The following MS4A4A variants were observed in gnomAD, a reference collection of about 807,000 sequenced individuals.
The protein encoded by MS4A4A is membrane spanning 4-domains A4A.
MS4A4A carries 26 observed loss-of-function variants against 28.0 expected under a neutral mutation model. The ratio of observed to expected loss-of-function variants is 0.93; its 90% CI spans 0.68 to 1.29. The LOEUF (loss-of-function observed/expected upper bound fraction) is 1.29. MS4A4A is among the 50% of genes most tolerant of loss of function. MS4A4A has a pLI of 0.00. For missense variants in MS4A4A, 290 were observed against 293.1 expected, an observed-to-expected ratio of 0.99 and a Z score of 0.08; for synonymous variants, 86 against 100.8, an observed-to-expected ratio of 0.85 and a Z score of 0.88.
chr11:60,282,757 T>G (rs1217538424), intron 1 of MS4A4A: 1 of 1,247,512 alleles, frequency 8.0e-7, no homozygotes, highest in Non-Finnish European at 1.0e-6. Flanking sequence ...TACAATAGAT[T>G]TGTGCTGAAG....
chr11:60,299,585 G>C (rs1295058656), intron 3 of MS4A4A, among the ~76,000 whole-genome samples: 2 of 150,502 alleles, frequency 1.3e-5, no homozygotes, highest in Non-Finnish European at 1.5e-5. Flanking sequence ...CCATTCTCCT[G>C]CCTCAGCCTC....
chr11:60,282,776 C>G (rs539342132), intron 1 of MS4A4A: 1 of 1,210,156 alleles, frequency 8.3e-7, no homozygotes, highest in South Asian at 1.5e-5. Flanking sequence ...AGTAGCCGAG[C>G]TTTTGTTATC....
chr11:60,286,054 C>G (rs951722404), intron 1 of MS4A4A, among the ~76,000 whole-genome samples: 1 of 152,158 alleles, frequency 6.6e-6, no homozygotes, highest in African/African-American at 2.4e-5. Context: ...AATGCATTCT[C>G]TTCCCAGGGT....
At chr11:60,303,714 A>G (rs1419541054) in intron 5 of MS4A4A, among the ~76,000 whole-genome samples, 1 of 152,078 alleles carries the variant, frequency 6.6e-6, no homozygotes, top group South Asian at 2.1e-4. Context: ...TCTCAAAAAA[A>G]AGAGAAAGCC....
intron 2 of MS4A4A, among the ~76,000 whole-genome samples, chr11:60,294,892 A>ACCTCTTCTTCTTCTTCTTCTT (rs1554993366): frequency 7.6e-6 from 1 of 130,846 alleles, no homozygotes; most frequent in East Asian, 2.3e-4. Flanking sequence ...TACAACTACT[A>ACCTCTTCTTCTTCTTCTTCTT]CTTCTTCTTC....
intron 3 of MS4A4A, 45 bp from the exon 4 acceptor site, chr11:60,300,956 T>C (rs2135029060): frequency 7.0e-7 from 1 of 1,431,188 alleles, no homozygotes; most frequent in Non-Finnish European, 9.7e-7. Context: ...TGACTCCCAA[T>C]ACTGGCTTAA....
Position 60,308,784 on chromosome 11 carries a change from T to C in MS4A4A, c.*606T>C, listed in dbSNP as rs925477410. ...GCTATCATTTGAGTAAAAGTATACA[T>C]GGAGTAAAAATCATATTAAGCATCA... On this transcript the variant is annotated 3_prime_UTR_variant, in exon 7 of 7. Transcript: ENST00000337908. 6.6e-6 allele frequency: 1 copy of C among 152,208 alleles called. No individual in the cohort carries two copies. Among genetic ancestry groups the C allele is most frequent in the African/African-American group, 2.4e-5 (1 of 41,454 alleles). The allele number at this position is 152,208 out of a possible 1,614,324, so 9.4% of individuals were successfully genotyped here. A position where few individuals can be genotyped will look rare whatever the true frequency, so the allele number is the denominator to read the frequency against.
chr11:60,291,089 A>G lies in MS4A4A; in HGVS notation c.42-1136A>G, dbSNP rs147435996. Among the ~76,000 whole-genome samples, 9 of 152,346 alleles carry G rather than the reference A, an allele frequency of 5.9e-5. No individual in the cohort carries two copies. In the East Asian group the frequency reaches 1.7e-3, roughly 29 times the overall value. On this transcript the variant is annotated intron_variant, in intron 1 of 6. Coordinates refer to ENST00000337908, the MANE Select transcript of MS4A4A (RefSeq NM_148975.3). ...GAAACACCTGAATATGAATTCAACT[A>G]CATAGATAAAAATTTCCATGTGACT...
In MS4A4A at chr11:60,288,114, T is replaced by A. The variant is rs187183262; in HGVS notation, c.42-4111T>A. 7.4e-4 allele frequency among the ~76,000 whole-genome samples: 112 copies of A among 152,332 alleles called. 1 individual carries two copies. The East Asian group carries it at 0.015, about 21-fold the overall frequency. ...CTAGGCATATCCCTAACTGGGACTC[T>A]GTGTTGGCTCTGACCCCATATTTCC... On this transcript the variant is annotated intron_variant, in intron 1 of 6. Transcript: ENST00000337908.
In MS4A4A at chr11:60,306,201, G is replaced by GGTGA. The variant is rs1277240665; in HGVS notation, c.648+3_648+6dup. On this transcript the variant is annotated frameshift_variant and splice_region_variant. Coordinates refer to ENST00000337908, the MANE Select transcript of MS4A4A (RefSeq NM_148975.3). LOFTEE classifies it high-confidence loss of function. The stretch of plus-strand genomic sequence containing the variant: ...AAGTGCTCTGTTGTACCCCTGGTGG[G>GGTGA]GTGAGTATTGGCCTTCATTTGAAGA... The GGTGA allele has an allele frequency of 2.5e-6, 4 of 1,606,952 alleles. No individual in the cohort carries two copies. The highest frequency in any genetic ancestry group is 2.6e-6 in the Non-Finnish European group (3 of 1,173,684).
chr11:60,305,360 C>T (rs540566379), intron 5 of MS4A4A, among the ~76,000 whole-genome samples: 1 of 152,324 alleles, frequency 6.6e-6, no homozygotes, highest in South Asian at 2.1e-4. Flanking sequence ...TCTCACTAGG[C>T]TAAAATCAGA....
intron 3 of MS4A4A, among the ~76,000 whole-genome samples, chr11:60,298,439 A>C (rs908914198): frequency 3.3e-5 from 5 of 152,232 alleles, no homozygotes; most frequent in Non-Finnish European, 7.3e-5. Flanking sequence ...ACTGATGCCA[A>C]TAACAGCTCT....
At chr11:60,288,263 G>A (rs1362108661) in intron 1 of MS4A4A, among the ~76,000 whole-genome samples, 4 of 152,232 alleles carry the variant, frequency 2.6e-5, no homozygotes, top group Non-Finnish European at 5.9e-5. Flanking sequence ...TGAGCCTATA[G>A]AGTTAACACC....
At position 60,308,279 on chromosome 11, in the gene MS4A4A, T is replaced by A; in HGVS notation, c.*101T>A. On this transcript the variant is annotated 3_prime_UTR_variant, in exon 7 of 7. Transcript: ENST00000337908. ...TACCAGTATCCAACTTCGATACTGA[T>A]AGACTTGTTGATATTATTATTATAT... The A allele has an allele frequency of 1.0e-6, 1 of 983,124 alleles. No individual in the cohort carries two copies. Among genetic ancestry groups the A allele is most frequent in the Non-Finnish European group, 1.6e-6 (1 of 627,302 alleles). The allele number at this position is 983,124 out of a possible 1,614,324, so 60.9% of individuals were successfully genotyped here. A position where few individuals can be genotyped will look rare whatever the true frequency, so the allele number is the denominator to read the frequency against.
intron 6 of MS4A4A, among the ~76,000 whole-genome samples, chr11:60,306,838 C>T (rs192380067): frequency 1.5e-4 from 23 of 152,280 alleles, no homozygotes; most frequent in African/African-American, 5.3e-4. Context: ...TTCCATTATC[C>T]TATTACAACA....
intron 4 of MS4A4A, among the ~76,000 whole-genome samples, 181 bp downstream of exon 4, chr11:60,301,238 T>A (rs1353499994): frequency 6.6e-6 from 1 of 152,194 alleles, no homozygotes; most frequent in Non-Finnish European, 1.5e-5. Flanking sequence ...GACATAGGAC[T>A]GGATATTTTG....
chr11:60,286,221 G>T (rs2084802593), intron 1 of MS4A4A, among the ~76,000 whole-genome samples: 1 of 152,070 alleles, frequency 6.6e-6, no homozygotes, highest in Non-Finnish European at 1.5e-5. Context: ...TCTTTTTCAG[G>T]GTGCCCAGAT....
At chr11:60,293,528 C>T (rs975609919) in intron 2 of MS4A4A, among the ~76,000 whole-genome samples, 1 of 152,174 alleles carries the variant, frequency 6.6e-6, no homozygotes, top group Non-Finnish European at 1.5e-5. Flanking sequence ...CACATCATTA[C>T]TAAAAGTACA....
chr11:60,295,550 C>T (rs952458120), intron 2 of MS4A4A, among the ~76,000 whole-genome samples: 2 of 152,120 alleles, frequency 1.3e-5, no homozygotes, highest in African/African-American at 2.4e-5. Context: ...TGACAGGGCT[C>T]ATCCCTGCCT....
Sources: allele counts gnomAD v4.1 joint callset (sites outside exome capture counted in the v4.1 genomes callset), GRCh38; gene constraint gnomAD v4.1.1; transcripts MANE v1.5; gene names NCBI Gene and HGNC (gene_info 2026-07-23, HGNC 2026-07-21).